PCBD2: variants seen among roughly 807,000 people sequenced by gnomAD.
The protein encoded by PCBD2 is pterin-4 alpha-carbinolamine dehydratase 2.
PCBD2 carries 12 observed loss-of-function variants against 16.4 expected under a neutral mutation model. That is an observed-to-expected ratio of 0.73 (90% CI 0.47 to 1.19). The LOEUF (loss-of-function observed/expected upper bound fraction) is 1.19, where lower values mean the gene tolerates loss of function less well. Ranked by LOEUF, PCBD2 falls within the 50% of genes most tolerant of loss-of-function variation. The pLI, the probability that PCBD2 is intolerant of heterozygous loss-of-function variation, is 0.00. For synonymous variants in PCBD2, 58 were observed against 61.8 expected, an observed-to-expected ratio of 0.94 and a Z score of 0.29; for missense variants, 138 against 156.8, an observed-to-expected ratio of 0.88 and a Z score of 0.64.
intron 1 of PCBD2, among the ~76,000 whole-genome samples, chr5:134,910,026 C>G (rs535969108): frequency 6.6e-6 from 1 of 152,182 alleles, no homozygotes; most frequent in Non-Finnish European, 1.5e-5. Context: ...GCTGTGATTG[C>G]ACCACTACGC....
intron 1 of PCBD2, 88 bp downstream of exon 1, chr5:134,905,311 T>G (rs1750671315): frequency 1.8e-6 from 2 of 1,130,064 alleles, no homozygotes; most frequent in African/African-American, 3.2e-5. Context: ...CCAGCGGGAC[T>G]GGGGCGAACC....
At chr5:134,918,713 AC>A (rs1377641682) in intron 2 of PCBD2, among the ~76,000 whole-genome samples, 1 of 152,112 alleles carries the variant, frequency 6.6e-6, no homozygotes, top group African/African-American at 2.4e-5. Context: ...GAATAGAGAC[AC>A]TCATATTTTA....
intron 3 of PCBD2, among the ~76,000 whole-genome samples, chr5:134,960,046 A>C (rs1217702406): frequency 6.6e-6 from 1 of 151,640 alleles, no homozygotes; most frequent in East Asian, 1.9e-4. Flanking sequence ...GTGCAGGGTA[A>C]CTTTTATATT....
intron 2 of PCBD2, chr5:134,926,126 G>T (rs916315232): frequency 1.8e-5 from 6 of 328,730 alleles, no homozygotes; most frequent in African/African-American, 1.3e-4. Flanking sequence ...TTAATGTTTG[G>T]GTCTGAGCTT....
At chr5:134,937,322 A>G (rs1049613339) in intron 2 of PCBD2, among the ~76,000 whole-genome samples, 2 of 152,210 alleles carry the variant, frequency 1.3e-5, no homozygotes, top group African/African-American at 2.4e-5. Flanking sequence ...CCATCTACAG[A>G]TATTTCTTTT....
At chr5:134,915,330 A>AG (rs1656660925) in intron 2 of PCBD2, among the ~76,000 whole-genome samples, 1 of 152,078 alleles carries the variant, frequency 6.6e-6, no homozygotes, top group African/African-American at 2.4e-5. Flanking sequence ...AAGAAAAAAA[A>AG]GGACATATCC....
chr5:134,943,445 G>C (rs1411730716), intron 2 of PCBD2, among the ~76,000 whole-genome samples: 1 of 152,234 alleles, frequency 6.6e-6, no homozygotes, highest in Non-Finnish European at 1.5e-5. Flanking sequence ...ATAGCACTCA[G>C]AATGCCACCA....
At chr5:134,912,988 C>G (rs1412623443) in intron 2 of PCBD2, among the ~76,000 whole-genome samples, 1 of 152,146 alleles carries the variant, frequency 6.6e-6, no homozygotes, top group East Asian at 1.9e-4. Flanking sequence ...TTTCCAATCG[C>G]AACTACTTTT....
At chr5:134,939,632 G>A (rs1751201194) in intron 2 of PCBD2, among the ~76,000 whole-genome samples, 1 of 152,138 alleles carries the variant, frequency 6.6e-6, no homozygotes, top group Admixed American at 6.5e-5. Flanking sequence ...CCTGCAATGA[G>A]CAACAGCTTC....
chr5:134,926,037 G>T, intron 2 of PCBD2: 1 of 372,890 alleles, frequency 2.7e-6, no homozygotes, highest in South Asian at 1.4e-4. Context: ...CTCAGCCGAT[G>T]AATAGCTGGA....
rs1354860503 is a variant in PCBD2 at position 134,962,450 on chromosome 5, A to G, written c.*1769A>G. 6.6e-6 allele frequency among the ~76,000 whole-genome samples: 1 copy of G among 151,408 alleles called. No individual in the cohort carries two copies. Among genetic ancestry groups the G allele is most frequent in the African/African-American group, 2.4e-5 (1 of 41,262 alleles). On this transcript the variant is annotated 3_prime_UTR_variant, in exon 4 of 4. Coordinates refer to ENST00000254908, the MANE Select transcript of PCBD2 (RefSeq NM_032151.5). ...TAATAATTATACAAGATGGAGTCTC[A>G]CTATGTTGCCCAGGCTGGTCTTGAA...
At chr5:134,935,254 T>C (rs193056179) in intron 2 of PCBD2, among the ~76,000 whole-genome samples, 24 of 152,348 alleles carry the variant, frequency 1.6e-4, no homozygotes, top group Admixed American at 3.9e-4. Context: ...TAAATGTAAC[T>C]GTTGACTCTG....
At chr5:134,946,023 G>C (rs1015219694) in intron 2 of PCBD2, among the ~76,000 whole-genome samples, 6 of 151,700 alleles carry the variant, frequency 4.0e-5, no homozygotes, top group African/African-American at 1.5e-4. Flanking sequence ...TTTCTTTGTG[G>C]CTATAAGCCC....
At chr5:134,943,367 G>A (rs976726348) in intron 2 of PCBD2, among the ~76,000 whole-genome samples, 2 of 152,100 alleles carry the variant, frequency 1.3e-5, no homozygotes, top group African/African-American at 4.8e-5. Flanking sequence ...TTAGCAAGTG[G>A]GGCCTCAGTC....
At chr5:134,937,473 A>G (rs950740208) in intron 2 of PCBD2, among the ~76,000 whole-genome samples, 4 of 152,232 alleles carry the variant, frequency 2.6e-5, no homozygotes, top group African/African-American at 9.7e-5. Flanking sequence ...CTGCTGGTAA[A>G]TGTTGGAAAG....
chr5:134,936,835 G>A (rs6862828), intron 2 of PCBD2, among the ~76,000 whole-genome samples: 91,928 of 151,958 alleles, frequency 0.6, 28,115 homozygotes, highest in East Asian at 0.78. Context: ...AGACCTGCTT[G>A]TTTTCAGGGA....
chr5:134,925,684 A>G (rs1466548172), intron 2 of PCBD2: 3 of 397,092 alleles, frequency 7.6e-6, no homozygotes, highest in Non-Finnish European at 8.9e-6. Flanking sequence ...GCGGATGAGT[A>G]GGAAGACTCC....
chr5:134,909,948 T>C (rs1295374704), intron 1 of PCBD2, among the ~76,000 whole-genome samples: 1 of 152,142 alleles, frequency 6.6e-6, no homozygotes, highest in Non-Finnish European at 1.5e-5. Context: ...TGTGCACCTG[T>C]AGTCCCAGCT....
intron 2 of PCBD2, among the ~76,000 whole-genome samples, chr5:134,920,119 C>T (rs909862177): frequency 6.6e-6 from 1 of 152,172 alleles, no homozygotes; most frequent in African/African-American, 2.4e-5. Flanking sequence ...CTTTTTCTTA[C>T]ATCCTTTTAA....
Sources: allele counts gnomAD v4.1 joint callset (sites outside exome capture counted in the v4.1 genomes callset), GRCh38; gene constraint gnomAD v4.1.1; transcripts MANE v1.5; gene names NCBI Gene and HGNC (gene_info 2026-07-23, HGNC 2026-07-21).